The following FAM20A variants were observed in gnomAD, a reference collection of about 807,000 sequenced individuals.
FAM20A encodes the protein FAM20A golgi associated secretory pathway pseudokinase.
Under a neutral mutation model 52.0 loss-of-function variants are expected in FAM20A, and 42 were observed. That is an observed-to-expected ratio of 0.81 (90% CI 0.63 to 1.04). The LOEUF is 1.04. Among genes scored for constraint, FAM20A ranks in the 50% least tolerant of loss-of-function variants. FAM20A has a pLI of 0.00. For missense variants in FAM20A, 742 were observed against 712.7 expected (o/e 1.04, Z -0.47); for synonymous variants, 304 against 298.9 (o/e 1.02, Z -0.18).
intron 4 of FAM20A, among the ~76,000 whole-genome samples, chr17:68,550,238 T>G (rs1375769212): frequency 6.6e-6 from 1 of 152,170 alleles, no homozygotes; most frequent in African/African-American, 2.4e-5. Context: ...ATATACTGTT[T>G]TATATGATGG....
At chr17:68,560,384 C>T (rs953748864) in intron 1 of FAM20A, among the ~76,000 whole-genome samples, 1 of 151,554 alleles carries the variant, frequency 6.6e-6, no homozygotes, top group African/African-American at 2.4e-5. Context: ...GCTATCTCAT[C>T]TCTCCCACTA....
intron 1 of FAM20A, among the ~76,000 whole-genome samples, chr17:68,563,843 A>G (rs1568754227): frequency 6.6e-6 from 1 of 152,184 alleles, no homozygotes; most frequent in Non-Finnish European, 1.5e-5. Context: ...CTCCATCTCT[A>G]GCATTAACCT....
chr17:68,590,961 T>C (rs2088288109), intron 1 of FAM20A, among the ~76,000 whole-genome samples: 1 of 152,168 alleles, frequency 6.6e-6, no homozygotes, highest in Non-Finnish European at 1.5e-5. Context: ...AGGATCTTTC[T>C]TTTTGGAAAT....
chr17:68,578,720 G>A lies in FAM20A; in HGVS notation c.404+21543C>T, dbSNP rs1242290226. Among the ~76,000 whole-genome samples the A allele has an allele frequency of 4.6e-5, 7 of 151,554 alleles. No homozygotes were observed. In the South Asian group the frequency reaches 1.5e-3, roughly 32 times the overall value. The stretch of plus-strand genomic sequence containing the variant: ...TAAAAATGTCTAGGCTCGGCCAGGT[G>A]CAGTGGCTCATGCCTGTAATCCCAG... On this transcript the variant is annotated intron_variant, in intron 1 of 10. Coordinates refer to ENST00000592554, the MANE Select transcript of FAM20A (RefSeq NM_017565.4).
At chr17:68,541,942 C>T in intron 7 of FAM20A, 43 bp downstream of exon 7, 1 of 1,586,894 alleles carries the variant, frequency 6.3e-7, no homozygotes, top group Non-Finnish European at 8.6e-7. Flanking sequence ...GGGTCTGTGG[C>T]TACTGTCAAG....
At chr17:68,579,244 A>C (rs1187382032) in intron 1 of FAM20A, among the ~76,000 whole-genome samples, 1 of 152,062 alleles carries the variant, frequency 6.6e-6, no homozygotes, top group African/African-American at 2.4e-5. Flanking sequence ...CATTTTAGGC[A>C]CCAGAAACCG....
intron 6 of FAM20A, 68 bp downstream of exon 6, chr17:68,542,626 A>C: frequency 8.3e-7 from 1 of 1,204,098 alleles, no homozygotes; most frequent in Non-Finnish European, 1.2e-6. Flanking sequence ...CCACTGATGA[A>C]TGGAGGGGTG....
intron 1 of FAM20A, among the ~76,000 whole-genome samples, chr17:68,596,279 G>A (rs2088451044): frequency 6.6e-6 from 1 of 152,110 alleles, no homozygotes. Flanking sequence ...TGACATCTGA[G>A]GAAGATGTCA....
Position 68,551,939 on chromosome 17 carries a change from C to G in FAM20A, c.653G>C (p.Ser218Thr). The change falls in exon 4 of 11, where the codon AGT (serine) becomes ACT (threonine). Residue 218 changes from serine (S) to threonine (T), a missense_variant. Transcript: ENST00000592554. ...ACDCTQIVKP[S>T]GVHLKLVLRF... Reference sequence around the variant, plus strand: ...CAGCACCAGCTTGAGGTGGACCCCACTGGGTTTCACAACTGTGAAAGGCAG... The same window carrying G: ...CAGCACCAGCTTGAGGTGGACCCCAGTGGGTTTCACAACTGTGAAAGGCAG... 4 of 1,586,450 alleles carry G rather than the reference C, an allele frequency of 2.5e-6. No homozygotes were observed. The highest frequency in any genetic ancestry group is 2.6e-6 in the Non-Finnish European group (3 of 1,164,390).
chr17:68,546,761 T>C (rs1042740066), intron 4 of FAM20A, among the ~76,000 whole-genome samples: 17 of 134,314 alleles, frequency 1.3e-4, no homozygotes, highest in African/African-American at 4.9e-4. Context: ...ACCCGGGAGG[T>C]GGAGCTTGCA....
At chr17:68,561,547 A>G (rs1007294973) in intron 1 of FAM20A, among the ~76,000 whole-genome samples, 2 of 148,902 alleles carry the variant, frequency 1.3e-5, no homozygotes, top group African/African-American at 2.5e-5. Context: ...TTTTAACTTG[A>G]TAAAACACTT....
chr17:68,537,566 T>G lies in FAM20A; in HGVS notation c.1537A>C (p.Ile513Leu). 1.2e-6 allele frequency: 2 copies of G among 1,613,476 alleles called. No homozygotes were observed. Among genetic ancestry groups the G allele is most frequent in the Non-Finnish European group, 1.7e-6 (2 of 1,179,530 alleles). Reference sequence around the variant, plus strand: ...ACACTCTGCTGTCCATGGGCCACTATGCACCCCTCCACTGTCCTTAGGATG... The same window carrying G: ...ACACTCTGCTGTCCATGGGCCACTAGGCACCCCTCCACTGTCCTTAGGATG... ...QTILRTVEGCIVAHGQQSVIV... is the reference protein window; with the variant it reads ...QTILRTVEGCLVAHGQQSVIV... The change falls in exon 11 of 11, where the codon ATA (isoleucine) becomes CTA (leucine). Residue 513 changes from isoleucine (I) to leucine (L), a missense_variant. Transcript: ENST00000592554. The surrounding 1 kb of genome is among the most constrained non-coding windows in gnomAD (Gnocchi z 4.2).
rs1490884907 is a variant in FAM20A, at chr17:68,535,812, T to C, written c.*1665A>G. 6.6e-6 allele frequency: 3 copies of C among 453,926 alleles called. No individual in the cohort carries two copies. The highest frequency in any genetic ancestry group is 1.3e-5 in the Non-Finnish European group (3 of 226,782). 28.1% of individuals were successfully genotyped at this position (453,926 alleles called of 1,614,324 possible). A position where few individuals can be genotyped will look rare whatever the true frequency, so the allele number is the denominator to read the frequency against. ...GTGTGAGCCCATGCCCAGCTGATTT[T>C]TTTTTTAAGCAAACAAATTTGACTT... On this transcript the variant is annotated 3_prime_UTR_variant, in exon 11 of 11. Transcript: ENST00000592554.
At chr17:68,541,028 TC>T (rs1391715393) in intron 7 of FAM20A, 70 bp from the exon 8 acceptor site, 2 of 1,525,252 alleles carry the variant, frequency 1.3e-6, no homozygotes, top group South Asian at 1.2e-5. Context: ...TCCCCACACC[TC>T]CCCCTGCCCC....
At chr17:68,554,113 T>C (rs2086985395) in intron 3 of FAM20A, among the ~76,000 whole-genome samples, 1 of 143,354 alleles carries the variant, frequency 7.0e-6, no homozygotes, top group African/African-American at 2.8e-5. Flanking sequence ...TATACACATA[T>C]ATGTATACAC....
chr17:68,567,076 G>A (rs758515887), intron 1 of FAM20A, among the ~76,000 whole-genome samples: 32 of 150,418 alleles, frequency 2.1e-4, no homozygotes, highest in Non-Finnish European at 3.7e-4. Flanking sequence ...ATGATCACTT[G>A]TGTGCAAAGG....
At position 68,535,666 on chromosome 17, in the gene FAM20A, A is replaced by G; in HGVS notation, c.*1811T>C. The G allele has an allele frequency of 2.2e-6, 1 of 448,538 alleles. No individual in the cohort carries two copies. Among genetic ancestry groups the G allele is most frequent in the Non-Finnish European group, 4.4e-6 (1 of 225,538 alleles). 27.8% of individuals were successfully genotyped at this position (448,538 alleles called of 1,614,324 possible). A position where few individuals can be genotyped will look rare whatever the true frequency, so the allele number is the denominator to read the frequency against. On this transcript the variant is annotated 3_prime_UTR_variant, in exon 11 of 11. Transcript: ENST00000592554. Reference sequence around the variant, plus strand: ...CTCTGTTAAAGAGTTGATTTAAAAAAAAATTTTTTTTTTTTTGTATTTTTT... The same window carrying G: ...CTCTGTTAAAGAGTTGATTTAAAAAGAAATTTTTTTTTTTTTGTATTTTTT...
At position 68,535,198 on chromosome 17, in the gene FAM20A, G is replaced by A. The variant is rs921745861; in HGVS notation, c.*2279C>T. 56 of 446,020 alleles carry A rather than the reference G, an allele frequency of 1.3e-4. No individual in the cohort carries two copies. Among genetic ancestry groups the A allele is most frequent in the African/African-American group, 2.6e-4 (13 of 49,644 alleles). The allele number at this position is 446,020 out of a possible 1,614,324, so 27.6% of individuals were successfully genotyped here. On this transcript the variant is annotated 3_prime_UTR_variant, in exon 11 of 11. Coordinates refer to ENST00000592554, the MANE Select transcript of FAM20A (RefSeq NM_017565.4). ...GGAAGAACTCGAGTAAGAATGAAAC[G>A]GTTGGTTTTCTGATATTTTTGAGAA...
intron 4 of FAM20A, among the ~76,000 whole-genome samples, chr17:68,544,807 C>T (rs555559157): frequency 6.6e-6 from 1 of 152,308 alleles, no homozygotes; most frequent in African/African-American, 2.4e-5. Flanking sequence ...ATTTTAATTC[C>T]TGAGTCCCAT....
Sources: gnomAD v4.1 joint callset for allele counts (sites outside exome capture counted in the v4.1 genomes callset) on GRCh38, gnomAD v4.1.1 for gene constraint, Gnocchi (gnomAD v3.1) non-coding constraint, MANE v1.5 for transcripts, NCBI Gene and HGNC (gene_info 2026-07-23, HGNC 2026-07-21) for gene names.